SKAP1: variants seen among roughly 807,000 people sequenced by gnomAD.
The protein encoded by SKAP1 is src kinase associated phosphoprotein 1.
SKAP1 carries 44 observed loss-of-function variants against 58.5 expected under a neutral mutation model. The observed-to-expected ratio is 0.75, with a 90% CI of 0.59 to 0.97. The LOEUF (loss-of-function observed/expected upper bound fraction) is 0.97. Ranked by LOEUF, SKAP1 falls within the 50% of genes least tolerant of loss-of-function variation. The pLI, the probability that SKAP1 is intolerant of heterozygous loss-of-function variation, is 0.00. For missense variants in SKAP1, 390 were observed against 435.2 expected (o/e 0.90, Z 0.92); for synonymous variants, 127 against 149.7 (o/e 0.85, Z 1.11).
intron 4 of SKAP1, among the ~76,000 whole-genome samples, chr17:48,204,959 TTTC>T (rs1465338569): frequency 0.06 from 4,196 of 70,286 alleles, 77 homozygotes; most frequent in South Asian, 0.14. Context: ...CTCCTTCCTC[TTTC>T]TTTTCTTTTC....
chr17:48,303,081 G>A (rs1434101215), intron 4 of SKAP1, among the ~76,000 whole-genome samples: 2 of 152,040 alleles, frequency 1.3e-5, no homozygotes, highest in African/African-American at 4.8e-5. Flanking sequence ...AGTACAAAGT[G>A]AAAAAACAAG....
At chr17:48,205,037 T>TTCTTTCTTTCTTTCTTTC (rs1567820039) in intron 4 of SKAP1, among the ~76,000 whole-genome samples, 2 of 55,748 alleles carry the variant, frequency 3.6e-5, no homozygotes, top group African/African-American at 5.4e-5. Context: ...CTTTCTTTCT[T>TTCTTTCTTTCTTTCTTTC]TCTCTCTCTC....
At chr17:48,396,568 T>C (rs1567897786) in intron 2 of SKAP1, 112 bp downstream of exon 2, 1 of 606,268 alleles carries the variant, frequency 1.6e-6, no homozygotes, top group Non-Finnish European at 2.8e-6. Context: ...ATTAAGTTTC[T>C]GCCAAGTATA....
At chr17:48,353,752 T>G (rs2066834321) in intron 3 of SKAP1, among the ~76,000 whole-genome samples, 1 of 151,542 alleles carries the variant, frequency 6.6e-6, no homozygotes, top group Non-Finnish European at 1.5e-5. Flanking sequence ...AAAAATTAGC[T>G]GGGCGTGGTG....
At chr17:48,172,996 C>A (rs1055055414) in intron 9 of SKAP1, among the ~76,000 whole-genome samples, 1 of 151,926 alleles carries the variant, frequency 6.6e-6, no homozygotes, top group Non-Finnish European at 1.5e-5. Context: ...GACAACAGAG[C>A]AAGACCCTGT....
chr17:48,285,996 A>T (rs1035320499), intron 4 of SKAP1, among the ~76,000 whole-genome samples: 1 of 152,248 alleles, frequency 6.6e-6, no homozygotes, highest in Admixed American at 6.5e-5. Context: ...ATTATATGGA[A>T]AACAGCCAGT....
chr17:48,150,687 A>G (rs1291571552), intron 11 of SKAP1, among the ~76,000 whole-genome samples: 2 of 152,226 alleles, frequency 1.3e-5, no homozygotes, highest in African/African-American at 4.8e-5. Flanking sequence ...GTGGGTGCGT[A>G]TAAGATAGAT....
intron 4 of SKAP1, among the ~76,000 whole-genome samples, chr17:48,232,516 C>T (rs2065136683): frequency 6.6e-6 from 1 of 152,112 alleles, no homozygotes; most frequent in Non-Finnish European, 1.5e-5. Context: ...GGTAAAGGTT[C>T]CATTGTGTAT....
At chr17:48,305,408 C>T (rs915675474) in intron 4 of SKAP1, among the ~76,000 whole-genome samples, 1 of 152,172 alleles carries the variant, frequency 6.6e-6, no homozygotes, top group African/African-American at 2.4e-5. Context: ...TTGTCTAAGG[C>T]CACTTGCACA....
chr17:48,242,811 G>A (rs1017480528), intron 4 of SKAP1, among the ~76,000 whole-genome samples: 1 of 152,188 alleles, frequency 6.6e-6, no homozygotes, highest in African/African-American at 2.4e-5. Flanking sequence ...ATCTCCCCTA[G>A]TAGGTCTATC....
intron 10 of SKAP1, among the ~76,000 whole-genome samples, chr17:48,165,750 G>T (rs1262699564): frequency 6.6e-6 from 1 of 152,128 alleles, no homozygotes; most frequent in Non-Finnish European, 1.5e-5. Flanking sequence ...CAAGGGTGAG[G>T]CTTGCCTCTA....
intron 4 of SKAP1, among the ~76,000 whole-genome samples, chr17:48,287,843 T>C (rs2065850811): frequency 1.3e-5 from 2 of 152,204 alleles, no homozygotes; most frequent in African/African-American, 4.8e-5. Flanking sequence ...CTATTTAAAA[T>C]GTATATTTAG....
chr17:48,356,747 A>T (rs1032776958), intron 3 of SKAP1, among the ~76,000 whole-genome samples: 15 of 152,230 alleles, frequency 9.9e-5, no homozygotes, highest in African/African-American at 3.6e-4. Context: ...ATACATGCAC[A>T]TGGTGAAAAT....
intron 4 of SKAP1, among the ~76,000 whole-genome samples, chr17:48,272,209 G>A (rs1264287788): frequency 6.6e-6 from 1 of 150,392 alleles, no homozygotes; most frequent in Non-Finnish European, 1.5e-5. Flanking sequence ...TCTCAGCTCA[G>A]TGCAATCTGT....
Position 48,325,606 on chromosome 17 carries a change from TG to T in SKAP1, c.280+20298del, listed in dbSNP as rs1179052280. ...TTTTCCTAAAGAAAATGCTCCAAGC[TG>T]GTTTATGGATTTCAATTTCTTTTAA... On this transcript the variant is annotated intron_variant, in intron 4 of 12. Coordinates refer to ENST00000336915, the MANE Select transcript of SKAP1 (RefSeq NM_003726.4). Among the ~76,000 whole-genome samples, 3 of 152,342 alleles carry T rather than the reference TG, an allele frequency of 2.0e-5. No homozygotes were observed. In the South Asian group the frequency reaches 6.2e-4, roughly 32 times the overall value.
rs139757238 is a variant in SKAP1, at chr17:48,321,329, C to T, written c.280+24576G>A. On this transcript the variant is annotated intron_variant, in intron 4 of 12. Coordinates refer to ENST00000336915, the MANE Select transcript of SKAP1 (RefSeq NM_003726.4). ...ATATTCCACAATGATCTTTTCTATC[C>T]AGCTCATCCTTCTGTCTCATTATTA... 5.1e-4 allele frequency among the ~76,000 whole-genome samples: 76 copies of T among 149,754 alleles called. 1 individual carries two copies. The highest frequency in any genetic ancestry group is 1.3e-3 in the Admixed American group (20 of 14,968).
intron 4 of SKAP1, among the ~76,000 whole-genome samples, chr17:48,230,471 T>A (rs2065114036): frequency 6.6e-6 from 1 of 152,220 alleles, no homozygotes. Flanking sequence ...TCTTGTTTTA[T>A]GTGCCGGTTG....
chr17:48,283,029 G>C (rs1598508145), intron 4 of SKAP1, among the ~76,000 whole-genome samples: 1 of 152,154 alleles, frequency 6.6e-6, no homozygotes, highest in Admixed American at 6.5e-5. Context: ...AGATGTTTGG[G>C]AGAGTCAAAC....
At chr17:48,287,610 T>A (rs1177060283) in intron 4 of SKAP1, among the ~76,000 whole-genome samples, 4 of 152,234 alleles carry the variant, frequency 2.6e-5, no homozygotes, top group African/African-American at 9.6e-5. Flanking sequence ...CATACTTTTA[T>A]AAAAACTTCT....
Sources: allele counts gnomAD v4.1 joint callset (sites outside exome capture counted in the v4.1 genomes callset), GRCh38; gene constraint gnomAD v4.1.1; transcripts MANE v1.5; gene names NCBI Gene and HGNC (gene_info 2026-07-23, HGNC 2026-07-21).